Variants in TCF4 observed in about 807,000 individuals in gnomAD.
TCF4 encodes the protein SL3-3 enhancer factor 2.
Under a neutral mutation model 82.1 loss-of-function variants are expected in TCF4, and 3 were observed. The ratio of observed to expected loss-of-function variants is 0.04; its 90% CI spans 0.02 to 0.09. The LOEUF (loss-of-function observed/expected upper bound fraction) is 0.09. Ranked by LOEUF, TCF4 falls within the 10% of genes least tolerant of loss-of-function variation. TCF4 has a pLI of 1.00. For missense variants in TCF4, 518 were observed against 852.7 expected (o/e 0.61, Z 4.89); for synonymous variants, 276 against 309.6 (o/e 0.89, Z 1.14).
At chr18:55,339,180 T>A (rs1418634160) in intron 8 of TCF4, among the ~76,000 whole-genome samples, 1 of 152,146 alleles carries the variant, frequency 6.6e-6, no homozygotes, top group African/African-American at 2.4e-5. Flanking sequence ...CATTAACACT[T>A]TCAGAATGCC....
At chr18:55,269,368 T>C (rs998251928) in intron 11 of TCF4, 2 of 233,400 alleles carry the variant, frequency 8.6e-6, no homozygotes, top group South Asian at 6.8e-5. Flanking sequence ...CATGTAGTTA[T>C]TAGCAGTCAC....
chr18:55,308,900 T>G lies in TCF4; in HGVS notation c.550-29244A>C, dbSNP rs962101493. Among the ~76,000 whole-genome samples the G allele has an allele frequency of 4.6e-5, 7 of 152,306 alleles. No homozygotes were observed. The East Asian group carries it at 1.3e-3, about 29-fold the overall frequency. ...CCACATGATCTTCAGCAAGTTTTAA[T>G]CCCTCAATGCTTCCATTTCCCAGGC... is the stretch of plus-strand genomic sequence containing the variant. On this transcript the variant is annotated intron_variant, in intron 8 of 19. Transcript: ENST00000354452.
In TCF4 at chr18:55,418,247, G is replaced by A. The variant is rs578255181; in HGVS notation, c.305-14729C>T. 2.0e-5 allele frequency among the ~76,000 whole-genome samples: 3 copies of A among 151,648 alleles called. No homozygotes were observed. In the East Asian group the frequency reaches 5.8e-4, roughly 29 times the overall value. ...GGTCACTATTTCCCTCAAATGCATC[G>A]CTTTTGCCTTAATTAAGGATAACAT... On this transcript the variant is annotated intron_variant, in intron 5 of 19. Coordinates refer to ENST00000354452, the MANE Select transcript of TCF4 (RefSeq NM_001083962.2).
At chr18:55,521,902 T>C (rs959482272) in intron 3 of TCF4, among the ~76,000 whole-genome samples, 2 of 152,112 alleles carry the variant, frequency 1.3e-5, no homozygotes, top group Admixed American at 6.6e-5. Context: ...ACAACATACA[T>C]TTACAGTCCT....
chr18:55,365,191 A>ATATATATATATATATATATATG (rs1361444592), intron 6 of TCF4, among the ~76,000 whole-genome samples: 6 of 97,948 alleles, frequency 6.1e-5, no homozygotes, highest in Non-Finnish European at 1.2e-4. Context: ...ATATATATAT[A>ATATATATATATATATATATATG]TGTGTGTGTG....
chr18:55,606,747 T>C (rs1374444688), intron 2 of TCF4, among the ~76,000 whole-genome samples: 1 of 152,208 alleles, frequency 6.6e-6, no homozygotes, highest in Non-Finnish European at 1.5e-5. Context: ...ATTTATTCAG[T>C]AATACTTGTT....
chr18:55,585,846 G>C (rs1262310527), intron 2 of TCF4: 1 of 1,155,920 alleles, frequency 8.7e-7, no homozygotes, highest in Non-Finnish European at 1.1e-6. Context: ...TAACAGGAGA[G>C]CAATTTGAAG....
At chr18:55,321,400 A>G in intron 8 of TCF4, 1 of 513,838 alleles carries the variant, frequency 1.9e-6, no homozygotes, top group Non-Finnish European at 3.5e-6. Flanking sequence ...ACTTTACCTG[A>G]CTGCAAACTT....
At position 55,224,899 on chromosome 18, in the gene TCF4, A is replaced by C. The variant is rs1451738838; in HGVS notation, c.*3136T>G. On this transcript the variant is annotated 3_prime_UTR_variant, in exon 20 of 20. Transcript: ENST00000354452. The stretch of plus-strand genomic sequence containing the variant: ...GTTTCTGAAAGAGATCCCCAGCCTA[A>C]GTGTCGTCATACAGATAGCGTAGTA... 3 of 152,482 alleles carry C rather than the reference A, an allele frequency of 2.0e-5. No individual in the cohort carries two copies. The highest frequency in any genetic ancestry group is 4.4e-5 in the Non-Finnish European group (3 of 68,018). 9.4% of individuals were successfully genotyped at this position (152,482 alleles called of 1,614,324 possible).
intron 5 of TCF4, among the ~76,000 whole-genome samples, chr18:55,453,084 C>T (rs1020353602): frequency 6.6e-6 from 1 of 152,186 alleles, no homozygotes; most frequent in South Asian, 2.1e-4. Context: ...TTGCTTCTCT[C>T]CTGTCTATTT....
intron 8 of TCF4, among the ~76,000 whole-genome samples, chr18:55,313,301 G>T (rs1000202351): frequency 6.6e-6 from 1 of 151,966 alleles, no homozygotes; most frequent in Non-Finnish European, 1.5e-5. Flanking sequence ...GAGATTAAGT[G>T]GGATCCATGC....
chr18:55,505,453 C>T (rs1030815189), intron 3 of TCF4, among the ~76,000 whole-genome samples: 4 of 151,986 alleles, frequency 2.6e-5, no homozygotes, highest in Non-Finnish European at 5.9e-5. Flanking sequence ...CTTATTTAGT[C>T]CTCAGTATGA....
rs1352934116 is a variant in TCF4, at chr18:55,577,110, GTATATATACATTTATATATT to G, written c.145+8150_145+8169del. Among the ~76,000 whole-genome samples, 56 of 132,786 alleles carry G rather than the reference GTATATATACATTTATATATT, an allele frequency of 4.2e-4. 1 individual carries two copies. The highest frequency in any genetic ancestry group is 4.7e-4 in the South Asian group (2 of 4,230). The allele number at this position is 132,786 out of a possible 152,430, so 87.1% of individuals were successfully genotyped here. ...TATATACATTTATATATTTATATAT[GTATATATACATTTATATATT>G]TATATATACATTTATATATTTATAT... On this transcript the variant is annotated intron_variant, in intron 3 of 19. Coordinates refer to ENST00000354452, the MANE Select transcript of TCF4 (RefSeq NM_001083962.2).
At chr18:55,350,727 G>A in intron 7 of TCF4, 147 bp downstream of exon 7, 2 of 1,048,824 alleles carry the variant, frequency 1.9e-6, no homozygotes, top group Admixed American at 2.1e-5. Context: ...TGTACTAGGG[G>A]GGAAGTCTCC....
chr18:55,269,074 C>A (rs2059799551), intron 11 of TCF4: 1 of 152,180 alleles, frequency 6.6e-6, no homozygotes, highest in Admixed American at 6.6e-5. Context: ...CCAGTTCATT[C>A]CTCAAAGTGG....
chr18:55,595,103 G>C lies in TCF4; in HGVS notation c.287-7967C>G, dbSNP rs184998520. Among the ~76,000 whole-genome samples, 368 of 152,296 alleles carry C rather than the reference G, an allele frequency of 2.4e-3. 2 individuals are homozygous for C. Among genetic ancestry groups the C allele is most frequent in the African/African-American group, 8.3e-3 (346 of 41,566 alleles). ...AAAATAGAACACTCAGACTGCAACA[G>C]AGAAAACAGTTTTATGATTAGAAGG... On this transcript the variant is annotated intron_variant, in intron 2 of 20. Transcript: ENST00000398339.
At chr18:55,374,193 G>A (rs1462526527) in intron 6 of TCF4, among the ~76,000 whole-genome samples, 1 of 151,804 alleles carries the variant, frequency 6.6e-6, no homozygotes, top group Non-Finnish European at 1.5e-5. Context: ...TAAATTGCAA[G>A]ATGTAAAAAT....
intron 6 of TCF4, among the ~76,000 whole-genome samples, chr18:55,374,656 T>C (rs2090250856): frequency 6.6e-6 from 1 of 151,560 alleles, no homozygotes; most frequent in Non-Finnish European, 1.5e-5. Context: ...ATCCCAGCAG[T>C]TTGGGAGGCT....
intron 3 of TCF4, among the ~76,000 whole-genome samples, chr18:55,481,103 CAAAAAAA>C (rs74180501): frequency 0.016 from 1,302 of 80,536 alleles, 9 homozygotes; most frequent in African/African-American, 0.02. Context: ...GACTCCATCT[CAAAAAAA>C]AAAAAAAAAA....
Sources: gnomAD v4.1 joint callset for allele counts (sites outside exome capture counted in the v4.1 genomes callset) on GRCh38, gnomAD v4.1.1 for gene constraint, MANE v1.5 for transcripts, NCBI Gene and HGNC (gene_info 2026-07-23, HGNC 2026-07-21) for gene names.